The following AASDH variants were observed in gnomAD, a reference collection of about 807,000 sequenced individuals.
AASDH encodes the protein beta-alanine-activating enzyme.
Under a neutral mutation model 102.3 loss-of-function variants are expected in AASDH, and 81 were observed. The observed-to-expected ratio is 0.79, with a 90% CI of 0.66 to 0.95. The LOEUF (loss-of-function observed/expected upper bound fraction) is 0.95. Among genes scored for constraint, AASDH ranks in the 40% least tolerant of loss-of-function variants. The pLI, the probability that AASDH is intolerant of heterozygous loss-of-function variation, is 0.00. For missense variants in AASDH, 1,203 were observed against 1,266.2 expected (o/e 0.95, Z 0.76); for synonymous variants, 398 against 454.0 (o/e 0.88, Z 1.57).
intron 12 of AASDH, 32 bp downstream of exon 12, chr4:56,345,094 AC>A: frequency 6.2e-7 from 1 of 1,608,702 alleles, no homozygotes; most frequent in Non-Finnish European, 8.5e-7. Context: ...GGCATGCGCC[AC>A]CATGCCCAGC....
rs1231612861 is a variant in AASDH, at chr4:56,387,469, T to C, written c.-150A>G. On this transcript the variant is annotated 5_prime_UTR_variant, in exon 1 of 15. Transcript: ENST00000205214. ...GCAGCTCCCAGAAGCCGTAAAGCTA[T>C]CCCAGAGCGAGGCACCATACGTAAA... 6.6e-6 allele frequency: 1 copy of C among 152,192 alleles called. No homozygotes were observed. The highest frequency in any genetic ancestry group is 2.4e-5 in the African/African-American group (1 of 41,440). The allele number at this position is 152,192 out of a possible 1,614,324, so 9.4% of individuals were successfully genotyped here.
At chr4:56,343,475 A>G in intron 13 of AASDH, 87 bp downstream of exon 13, 1 of 1,105,150 alleles carries the variant, frequency 9.0e-7, no homozygotes, top group Non-Finnish European at 1.3e-6. Context: ...ATTAACTGAA[A>G]ACTACTCAAA....
rs145587265 is a variant in AASDH, at chr4:56,345,159, G to A, written c.2620C>T (p.His874Tyr). The change falls in exon 12 of 15, where the codon CAT becomes TAT. Residue 874 changes from histidine (H) to tyrosine (Y), a missense_variant. Transcript: ENST00000205214. ...PTTGLIYIGS[H>Y]DQHAYALDIY... ...TCTAAAGCATATGCGTGCTGGTCAT[G>A]AGATCCAATGTAAATGAGTCCTGTG... is the stretch of plus-strand genomic sequence containing the variant. 1 of 1,614,092 alleles carries A rather than the reference G, an allele frequency of 6.2e-7. No homozygotes were observed. The highest frequency in any genetic ancestry group is 1.3e-5 in the African/African-American group (1 of 75,042).
At chr4:56,354,512 T>C (rs1436705951) in intron 7 of AASDH, among the ~76,000 whole-genome samples, 193 bp downstream of exon 7, 1 of 152,190 alleles carries the variant, frequency 6.6e-6, no homozygotes, top group African/African-American at 2.4e-5. Context: ...TAAATTACTT[T>C]TATTAATGTG....
Position 56,349,566 on chromosome 4 carries a change from C to T in AASDH, c.2185G>A (p.Gly729Arg). 1 of 1,614,160 alleles carries T rather than the reference C, an allele frequency of 6.2e-7. No homozygotes were observed. Among genetic ancestry groups the T allele is most frequent in the Non-Finnish European group, 8.5e-7 (1 of 1,180,042 alleles). ...ACACAGGATGGATCTTTTGACTTCC[C>T]AATAAGAACTGGAGAATTTAAGCCT... is the stretch of plus-strand genomic sequence containing the variant. ...LKGLNSPVLIGKSKDPSCVAK... is the reference protein window; with the variant it reads ...LKGLNSPVLIRKSKDPSCVAK... The change falls in exon 11 of 15, where the codon GGG becomes AGG. Residue 729 changes from glycine (G) to arginine (R), a missense_variant. Transcript: ENST00000205214.
At chr4:56,376,709 T>C (rs1249922692) in intron 4 of AASDH, among the ~76,000 whole-genome samples, 3 of 152,232 alleles carry the variant, frequency 2.0e-5, no homozygotes, top group Non-Finnish European at 2.9e-5. Flanking sequence ...TTACTAGTAA[T>C]TTTTATATTG....
At position 56,342,973 on chromosome 4, in the gene AASDH, C is replaced by G. The variant is rs1747884346; in HGVS notation, c.2776-7G>C. The G allele has an allele frequency of 6.4e-7, 1 of 1,563,104 alleles. No homozygotes were observed. The highest frequency in any genetic ancestry group is 1.4e-5 in the African/African-American group (1 of 72,932). ...AAATAACGTTCCCAGTAGCCTGTCA[C>G]AGGAAAAAGCAATTCACAGCATTTT... On this transcript the variant is annotated splice_region_variant and splice_polypyrimidine_tract_variant and intron_variant, in intron 13 of 14. Transcript: ENST00000205214.
chr4:56,365,147 T>TCA (rs1459993880), intron 5 of AASDH, among the ~76,000 whole-genome samples: 1 of 151,710 alleles, frequency 6.6e-6, no homozygotes, highest in Non-Finnish European at 1.5e-5. Flanking sequence ...GCTAAAGGGA[T>TCA]CAATTCAACA....
At chr4:56,363,195 G>C (rs187669388) in intron 5 of AASDH, among the ~76,000 whole-genome samples, 3,142 of 152,318 alleles carry the variant, frequency 0.021, 48 homozygotes, top group South Asian at 0.046. Flanking sequence ...CACCATCGCC[G>C]AGGCTTGAGT....
At chr4:56,343,926 C>A (rs752271733) in intron 12 of AASDH, among the ~76,000 whole-genome samples, 1 of 151,974 alleles carries the variant, frequency 6.6e-6, no homozygotes, top group Non-Finnish European at 1.5e-5. Flanking sequence ...TGTGTCTGGG[C>A]GCACACATCT....
At position 56,371,492 on chromosome 4, in the gene AASDH, C is replaced by T. The variant is rs112083989; in HGVS notation, c.820G>A (p.Ala274Thr). ...CTATGATGGGAAAAGAGAACGCTGG[C>T]TAATTTTGATGGGAGCAACTTGACG... ...TSVKLLPSKL[A>T]SVLFSHHRVT... Residue 274 changes from alanine to threonine, a missense_variant, in exon 5 of 15, where the codon GCC (alanine) becomes ACC (threonine). By Grantham distance (58) the Ala-to-Thr change is moderately conservative (BLOSUM62 0). Transcript: ENST00000205214. The T allele has an allele frequency of 1.2e-6, 2 of 1,612,792 alleles. No homozygotes were observed. Among genetic ancestry groups the T allele is most frequent in the African/African-American group, 1.3e-5 (1 of 74,976 alleles).
intron 11 of AASDH, among the ~76,000 whole-genome samples, chr4:56,348,761 A>G (rs1482186788): frequency 6.6e-6 from 1 of 152,186 alleles, no homozygotes; most frequent in Admixed American, 6.6e-5. Flanking sequence ...CAGAATCAGC[A>G]AAGAACTGAG....
chr4:56,378,321 TTC>T lies in AASDH; in HGVS notation c.493_494del (p.Glu165LysfsTer8), dbSNP rs1752588246. On this transcript the variant is annotated frameshift_variant, in exon 4 of 15. Transcript: ENST00000205214. LOFTEE classifies it high-confidence loss of function. ...GCTCAGAACTTATGCTTTTTATTTT[TTC>T]TTTTTCATATTTCTCTTTTCCATCA... ...LNDGKEKYEK[E>X]KIKSISSEHV... The T allele has an allele frequency of 1.9e-6, 3 of 1,614,182 alleles. No individual in the cohort carries two copies. Among genetic ancestry groups the T allele is most frequent in the Non-Finnish European group, 1.7e-6 (2 of 1,180,022 alleles).
chr4:56,368,277 T>G (rs1751265634), intron 5 of AASDH, among the ~76,000 whole-genome samples: 1 of 152,164 alleles, frequency 6.6e-6, no homozygotes, highest in Admixed American at 6.5e-5. Context: ...GGTGGGACTG[T>G]AAACTAGTTT....
intron 10 of AASDH, among the ~76,000 whole-genome samples, chr4:56,350,627 A>G (rs1748892319): frequency 1.3e-5 from 2 of 152,094 alleles, no homozygotes; most frequent in African/African-American, 4.8e-5. Flanking sequence ...TTTCTTACCC[A>G]TAAAATTGGG....
intron 13 of AASDH, among the ~76,000 whole-genome samples, chr4:56,343,296 G>A (rs944095535): frequency 4.7e-4 from 71 of 151,832 alleles, no homozygotes; most frequent in Non-Finnish European, 2.8e-4. Context: ...CTGAGATTGC[G>A]CCACTGCACT....
intron 5 of AASDH, among the ~76,000 whole-genome samples, chr4:56,366,013 T>C (rs888257500): frequency 9.2e-4 from 139 of 151,844 alleles, no homozygotes; most frequent in African/African-American, 3.2e-3. Context: ...ATCAAATAGA[T>C]GCAATAAAAA....
chr4:56,377,086 T>TAAAATA (rs138854069), intron 4 of AASDH, among the ~76,000 whole-genome samples: 2 of 138,360 alleles, frequency 1.4e-5, no homozygotes, highest in South Asian at 2.3e-4. Context: ...AAAAAATAAA[T>TAAAATA]AAATAAAATA....
At chr4:56,363,585 C>G (rs551148831) in intron 5 of AASDH, among the ~76,000 whole-genome samples, 100 of 152,332 alleles carry the variant, frequency 6.6e-4, no homozygotes, top group Non-Finnish European at 1.1e-3. Flanking sequence ...GTTCTGCAGC[C>G]ACCGCTGCTG....
Sources: gnomAD v4.1 joint callset for allele counts (sites outside exome capture counted in the v4.1 genomes callset) on GRCh38, gnomAD v4.1.1 for gene constraint, MANE v1.5 for transcripts, NCBI Gene and HGNC (gene_info 2026-07-23, HGNC 2026-07-21) for gene names.